Variants in PRKG1 observed in about 807,000 individuals in gnomAD.
The protein encoded by PRKG1 is protein kinase cGMP-dependent 1.
A neutral mutation model predicts 88.1 loss-of-function variants in PRKG1; 35 were observed. The observed-to-expected ratio is 0.40, with a 90% CI of 0.30 to 0.53. The LOEUF is 0.53. Among genes scored for constraint, PRKG1 ranks in the 20% least tolerant of loss-of-function variants. The pLI, the probability that PRKG1 is intolerant of heterozygous loss-of-function variation, is 0.59. For missense variants in PRKG1, 540 were observed against 839.8 expected, an observed-to-expected ratio of 0.64 and a Z score of 4.41; for synonymous variants, 303 against 292.5, an observed-to-expected ratio of 1.04 and a Z score of -0.37.
intron 1 of PRKG1, among the ~76,000 whole-genome samples, chr10:51,009,277 C>T (rs908769341): frequency 6.6e-6 from 1 of 152,104 alleles, no homozygotes; most frequent in Non-Finnish European, 1.5e-5. Flanking sequence ...GTGTATTTAT[C>T]TAACTAATTT....
intron 5 of PRKG1, among the ~76,000 whole-genome samples, chr10:51,946,704 T>C (rs1843044478): frequency 6.6e-6 from 1 of 152,116 alleles, no homozygotes; most frequent in African/African-American, 2.4e-5. Context: ...TGCAGGTCTG[T>C]TGGAGTTTGC....
chr10:51,287,493 G>C (rs1055338483), intron 2 of PRKG1, among the ~76,000 whole-genome samples: 9 of 152,200 alleles, frequency 5.9e-5, no homozygotes, highest in Middle Eastern at 3.2e-3. Flanking sequence ...GGGCAGTTCA[G>C]ATGAAGGTCC....
intron 7 of PRKG1, among the ~76,000 whole-genome samples, chr10:52,132,581 T>C (rs940549880): frequency 1.3e-5 from 2 of 152,112 alleles, no homozygotes; most frequent in Non-Finnish European, 2.9e-5. Context: ...GGAACATCTT[T>C]ATTCTCAAAA....
At chr10:51,131,907 T>C (rs1368638075) in intron 1 of PRKG1, among the ~76,000 whole-genome samples, 2 of 152,140 alleles carry the variant, frequency 1.3e-5, no homozygotes, top group African/African-American at 4.8e-5. Context: ...CTGGCAGAAT[T>C]TTTATGCCAT....
intron 3 of PRKG1, among the ~76,000 whole-genome samples, chr10:51,558,284 A>C (rs1471763021): frequency 6.6e-6 from 1 of 152,104 alleles, no homozygotes; most frequent in African/African-American, 2.4e-5. Flanking sequence ...GTTTTTACCA[A>C]TATATACTAT....
At chr10:52,069,628 A>G (rs1846445837) in intron 7 of PRKG1, among the ~76,000 whole-genome samples, 1 of 152,164 alleles carries the variant, frequency 6.6e-6, no homozygotes. Flanking sequence ...TTTGATTATT[A>G]TTTATTTATA....
intron 3 of PRKG1, among the ~76,000 whole-genome samples, chr10:51,743,367 A>G (rs760858963): frequency 6.6e-6 from 1 of 151,968 alleles, no homozygotes; most frequent in Non-Finnish European, 1.5e-5. Flanking sequence ...AGGAAAGAAA[A>G]CCAAGCTTTG....
chr10:51,424,634 T>C (rs1838520980), intron 2 of PRKG1, among the ~76,000 whole-genome samples: 1 of 152,158 alleles, frequency 6.6e-6, no homozygotes. Flanking sequence ...AGAATAACTG[T>C]GGAACAGTTA....
intron 2 of PRKG1, among the ~76,000 whole-genome samples, chr10:51,389,149 A>G (rs999256030): frequency 6.6e-6 from 1 of 152,192 alleles, no homozygotes; most frequent in Non-Finnish European, 1.5e-5. Flanking sequence ...TTCTGATTAA[A>G]CATTCCTTAA....
At chr10:51,346,202 A>G (rs1221472222) in intron 2 of PRKG1, among the ~76,000 whole-genome samples, 1 of 152,246 alleles carries the variant, frequency 6.6e-6, no homozygotes, top group East Asian at 1.9e-4. Flanking sequence ...GTGTTCTCTC[A>G]TAATTTATTT....
chr10:51,950,936 G>T (rs1411263406), intron 5 of PRKG1, among the ~76,000 whole-genome samples: 1 of 152,246 alleles, frequency 6.6e-6, no homozygotes, highest in East Asian at 1.9e-4. Context: ...CGTGGGGGTG[G>T]TCCCCCAATG....
chr10:51,689,077 G>A (rs1261540463), intron 3 of PRKG1, among the ~76,000 whole-genome samples: 1 of 152,080 alleles, frequency 6.6e-6, no homozygotes, highest in East Asian at 1.9e-4. Flanking sequence ...GCTCCTCCTT[G>A]CATTCCGCCA....
chr10:51,920,214 A>G (rs531479203), intron 5 of PRKG1, among the ~76,000 whole-genome samples: 6 of 152,170 alleles, frequency 3.9e-5, no homozygotes, highest in Admixed American at 3.3e-4. Flanking sequence ...AAGGAATAAG[A>G]CTCATTTTTC....
chr10:51,023,693 A>G (rs1435118488), intron 1 of PRKG1, among the ~76,000 whole-genome samples: 1 of 152,204 alleles, frequency 6.6e-6, no homozygotes, highest in Non-Finnish European at 1.5e-5. Flanking sequence ...TAACCTGGGC[A>G]TTTTCTCTAG....
chr10:51,574,008 G>T (rs964553727), intron 3 of PRKG1, among the ~76,000 whole-genome samples: 1 of 151,910 alleles, frequency 6.6e-6, no homozygotes, highest in African/African-American at 2.4e-5. Context: ...GTTCACACAT[G>T]TAAAAATGTA....
At chr10:51,233,375 C>A (rs1021746285) in intron 2 of PRKG1, among the ~76,000 whole-genome samples, 1 of 152,154 alleles carries the variant, frequency 6.6e-6, no homozygotes, top group Admixed American at 6.5e-5. Context: ...TATTTCTACA[C>A]TGAAATCTGC....
chr10:51,704,464 G>T (rs919742329), intron 3 of PRKG1, among the ~76,000 whole-genome samples: 7 of 152,126 alleles, frequency 4.6e-5, no homozygotes, highest in African/African-American at 1.7e-4. Context: ...AAGACATGCT[G>T]CCAGGACCCT....
chr10:51,418,240 T>G (rs1838298792), intron 2 of PRKG1, among the ~76,000 whole-genome samples: 1 of 152,152 alleles, frequency 6.6e-6, no homozygotes, highest in African/African-American at 2.4e-5. Flanking sequence ...ATTCTGGAAC[T>G]TTAGGTAGAA....
intron 10 of PRKG1, among the ~76,000 whole-genome samples, chr10:52,253,961 T>G (rs1841247685): frequency 6.6e-6 from 1 of 151,990 alleles, no homozygotes; most frequent in African/African-American, 2.4e-5. Flanking sequence ...GTCTTCAGTA[T>G]TCAATGTGGA....
Sources: allele counts gnomAD v4.1 joint callset (sites outside exome capture counted in the v4.1 genomes callset), GRCh38; gene constraint gnomAD v4.1.1; transcripts MANE v1.5; gene names NCBI Gene and HGNC (gene_info 2026-07-23, HGNC 2026-07-21).